Variants in IL1RAPL2 observed in about 807,000 individuals in gnomAD.
IL1RAPL2 encodes the protein interleukin 1 receptor accessory protein like 2.
Under a neutral mutation model 44.1 loss-of-function variants are expected in IL1RAPL2, and 3 were observed. The observed-to-expected ratio is 0.07, with a 90% CI of 0.03 to 0.18. The LOEUF (loss-of-function observed/expected upper bound fraction) is 0.18, where lower values mean the gene tolerates loss of function less well. Among genes scored for constraint, IL1RAPL2 ranks in the 10% least tolerant of loss-of-function variants. The pLI is 1.00. For synonymous variants in IL1RAPL2, 181 were observed against 178.8 expected (o/e 1.01, Z -0.10); for missense variants, 391 against 496.4 (o/e 0.79, Z 2.02).
chrX:104,676,456 T>C (rs921850889), intron 2 of IL1RAPL2, among the ~76,000 whole-genome samples: 114 of 112,280 alleles, frequency 1.0e-3, no homozygotes, highest in African/African-American at 3.5e-3. Context: ...ATAGAGTTTC[T>C]GCTGAGAGAT....
chrX:105,323,901 C>G (rs890379549), intron 5 of IL1RAPL2, among the ~76,000 whole-genome samples: 3 of 110,286 alleles, frequency 2.7e-5, no homozygotes, highest in African/African-American at 1.0e-4. Context: ...CACACAGACA[C>G]ACACACACAC....
At chrX:104,710,936 T>C (rs369152200) in intron 2 of IL1RAPL2, among the ~76,000 whole-genome samples, 1 of 111,423 alleles carries the variant, frequency 9.0e-6, no homozygotes, top group African/African-American at 3.2e-5. Context: ...TACTATACTC[T>C]TTATCATTGT....
At chrX:105,047,672 A>C (rs987785426) in intron 2 of IL1RAPL2, among the ~76,000 whole-genome samples, 2 of 111,713 alleles carry the variant, frequency 1.8e-5, no homozygotes, top group African/African-American at 6.5e-5. Context: ...TGCCTGCTCT[A>C]GCTTAATTCT....
At chrX:105,533,057 G>A (rs2036650149) in intron 6 of IL1RAPL2, among the ~76,000 whole-genome samples, 1 of 110,391 alleles carries the variant, frequency 9.1e-6, no homozygotes, top group South Asian at 3.8e-4. Flanking sequence ...AGGCGTGGTG[G>A]TGCGTGCCTG....
At chrX:105,297,025 A>G (rs568923432) in intron 5 of IL1RAPL2, among the ~76,000 whole-genome samples, 2 of 112,241 alleles carry the variant, frequency 1.8e-5, no homozygotes, top group African/African-American at 6.5e-5. Flanking sequence ...AATGTAAAAT[A>G]GTGGTAAGTG....
At chrX:104,864,958 C>T (rs893599750) in intron 2 of IL1RAPL2, among the ~76,000 whole-genome samples, 2 of 111,188 alleles carry the variant, frequency 1.8e-5, no homozygotes, top group African/African-American at 6.6e-5. Flanking sequence ...TAGCTCAGGT[C>T]CGACTTACAG....
At chrX:104,856,626 T>G in intron 2 of IL1RAPL2, among the ~76,000 whole-genome samples, 1 of 111,932 alleles carries the variant, frequency 8.9e-6, no homozygotes, top group Non-Finnish European at 1.9e-5. Flanking sequence ...TTATACCTCT[T>G]TAACTACTCC....
intron 2 of IL1RAPL2, among the ~76,000 whole-genome samples, chrX:105,044,005 A>T (rs968684372): frequency 8.9e-6 from 1 of 111,948 alleles, no homozygotes; most frequent in Non-Finnish European, 1.9e-5. Flanking sequence ...ACTATTTAAA[A>T]TTTGGCAAAA....
At chrX:105,337,615 G>T (rs971014604) in intron 5 of IL1RAPL2, among the ~76,000 whole-genome samples, 62 of 112,092 alleles carry the variant, frequency 5.5e-4, no homozygotes, top group African/African-American at 1.9e-3. Flanking sequence ...TGATAGGCTG[G>T]GTGCAGTGGC....
At chrX:105,434,954 T>G (rs1020581734) in intron 5 of IL1RAPL2, among the ~76,000 whole-genome samples, 3 of 111,923 alleles carry the variant, frequency 2.7e-5, no homozygotes, top group Admixed American at 9.5e-5. Flanking sequence ...CCCAGCACCA[T>G]TTATTAAACG....
intron 2 of IL1RAPL2, among the ~76,000 whole-genome samples, chrX:104,963,708 G>A (rs942957653): frequency 8.1e-5 from 9 of 111,065 alleles, no homozygotes; most frequent in Non-Finnish European, 1.7e-4. Flanking sequence ...TAAACAAAGT[G>A]CCTCATTTTT....
chrX:105,015,880 T>C (rs2031164199), intron 2 of IL1RAPL2, among the ~76,000 whole-genome samples: 1 of 111,744 alleles, frequency 8.9e-6, no homozygotes, highest in Non-Finnish European at 1.9e-5. Context: ...GGGGATAGCA[T>C]TGAATCTATA....
chrX:104,616,855 C>A (rs749410714), intron 1 of IL1RAPL2, among the ~76,000 whole-genome samples: 1 of 112,010 alleles, frequency 8.9e-6, no homozygotes, highest in Non-Finnish European at 1.9e-5. Flanking sequence ...CCCGCACAGC[C>A]GGCTCTGCGT....
intron 6 of IL1RAPL2, among the ~76,000 whole-genome samples, chrX:105,620,662 G>GA (rs1206445892): frequency 4.6e-5 from 5 of 108,388 alleles, no homozygotes; most frequent in Non-Finnish European, 7.7e-5. Flanking sequence ...AGTAGAAAAG[G>GA]AAAAAAAATT....
chrX:105,579,042 T>G (rs1322773862), intron 6 of IL1RAPL2, among the ~76,000 whole-genome samples: 2 of 111,872 alleles, frequency 1.8e-5, no homozygotes, highest in Non-Finnish European at 3.8e-5. Context: ...TTGTTTGGCT[T>G]GCATGTCTTG....
At chrX:104,990,747 T>A (rs1314038242) in intron 2 of IL1RAPL2, among the ~76,000 whole-genome samples, 1 of 111,807 alleles carries the variant, frequency 8.9e-6, no homozygotes, top group Non-Finnish European at 1.9e-5. Flanking sequence ...ATTTGATGCC[T>A]TCTTTGGGAT....
chrX:104,577,337 A>C (rs1010873030), intron 1 of IL1RAPL2, among the ~76,000 whole-genome samples: 2 of 111,860 alleles, frequency 1.8e-5, no homozygotes, highest in African/African-American at 6.5e-5. Context: ...CAATGAGGTT[A>C]GGGATCATGA....
chrX:105,398,820 G>A (rs1469262478), intron 5 of IL1RAPL2, among the ~76,000 whole-genome samples: 1 of 111,839 alleles, frequency 8.9e-6, no homozygotes, highest in Non-Finnish European at 1.9e-5. Context: ...TAAGGAGCAT[G>A]TTAATCTTCC....
chrX:104,805,808 C>T (rs1286050331), intron 2 of IL1RAPL2, among the ~76,000 whole-genome samples: 1 of 111,845 alleles, frequency 8.9e-6, no homozygotes, highest in Non-Finnish European at 1.9e-5. Flanking sequence ...GTGGTAGGTA[C>T]TATTACACTC....
Sources: gnomAD v4.1 joint callset for allele counts (sites outside exome capture counted in the v4.1 genomes callset) on GRCh38, gnomAD v4.1.1 for gene constraint, MANE v1.5 for transcripts, NCBI Gene and HGNC (gene_info 2026-07-23, HGNC 2026-07-21) for gene names.